Variants in SPATA6L observed in about 807,000 individuals in gnomAD.
The protein encoded by SPATA6L is spermatogenesis associated 6-like protein.
SPATA6L carries 68 observed loss-of-function variants against 49.2 expected under a neutral mutation model. The observed-to-expected ratio is 1.38, with a 90% confidence interval of 1.14 to 1.69. The LOEUF (loss-of-function observed/expected upper bound fraction) is 1.69. SPATA6L is among the 40% of genes most tolerant of loss of function. SPATA6L has a pLI of 0.00. For missense variants in SPATA6L, 668 were observed against 464.3 expected (o/e 1.44, Z -4.03); for synonymous variants, 198 against 165.7 (o/e 1.19, Z -1.50).
chr9:4,599,646 G>A lies in SPATA6L; in HGVS notation c.*1165C>T, dbSNP rs1822754408. ...AGAATCTGGTGAGGGCCCTCTTCCT[G>A]GGTCAGAGATGGCGCCTTCTCGCTG... On this transcript the variant is annotated 3_prime_UTR_variant, in exon 12 of 12. Transcript: ENST00000682582. Among the ~76,000 whole-genome samples, 1 of 152,138 alleles carries A rather than the reference G, an allele frequency of 6.6e-6. No homozygotes were observed. Among genetic ancestry groups the A allele is most frequent in the African/African-American group, 2.4e-5 (1 of 41,440 alleles).
intron 6 of SPATA6L, among the ~76,000 whole-genome samples, 174 bp from the exon 7 acceptor site, chr9:4,622,684 G>C (rs1829602130): frequency 6.6e-6 from 1 of 152,126 alleles, no homozygotes; most frequent in African/African-American, 2.4e-5. Flanking sequence ...CACCTAAAAG[G>C]AGAAACTGTT....
At chr9:4,597,384 G>A (rs918753501), downstream of SPATA6L, among the ~76,000 whole-genome samples, 4 of 150,896 alleles carry the variant, frequency 2.7e-5, no homozygotes, top group Non-Finnish European at 5.9e-5. Flanking sequence ...GGGCGTGGGG[G>A]GTGAGGTGGG....
intron 3 of SPATA6L, among the ~76,000 whole-genome samples, chr9:4,642,470 A>G (rs1013375520): frequency 3.9e-5 from 6 of 152,122 alleles, no homozygotes; most frequent in African/African-American, 1.4e-4. Flanking sequence ...CTATTCTTAA[A>G]TTCACAGAGT....
At chr9:4,637,854 C>T (rs1833115783) in intron 3 of SPATA6L, among the ~76,000 whole-genome samples, 1 of 152,150 alleles carries the variant, frequency 6.6e-6, no homozygotes, top group Admixed American at 6.5e-5. Flanking sequence ...GCATTAGCTA[C>T]CCTCTTGGAG....
chr9:4,656,448 G>GAAA (rs57408829), intron 2 of SPATA6L, among the ~76,000 whole-genome samples: 2 of 104,916 alleles, frequency 1.9e-5, no homozygotes, highest in African/African-American at 4.3e-5. Flanking sequence ...AAGAAAGGAA[G>GAAA]GAAGGAAGGA....
At chr9:4,637,668 T>G (rs1170215183) in intron 3 of SPATA6L, among the ~76,000 whole-genome samples, 1 of 152,174 alleles carries the variant, frequency 6.6e-6, no homozygotes, top group East Asian at 1.9e-4. Context: ...AAAATTGAAC[T>G]TCAATGATGT....
rs537606808 is a variant in SPATA6L at position 4,642,183 on chromosome 9, T to C, written c.227-6784A>G. On this transcript the variant is annotated intron_variant, in intron 3 of 11. Transcript: ENST00000682582. ...ATAGTGAGATTACTTAGGTATTGAG[T>C]AACTTTTTTAAAATCCATGTAAAAT... 3.3e-5 allele frequency among the ~76,000 whole-genome samples: 5 copies of C among 152,324 alleles called. No homozygotes were observed. The South Asian group carries it at 1.0e-3, about 32-fold the overall frequency.
intron 3 of SPATA6L, among the ~76,000 whole-genome samples, chr9:4,654,597 G>T (rs1489254297): frequency 1.3e-5 from 2 of 152,208 alleles, no homozygotes; most frequent in African/African-American, 4.8e-5. Context: ...CATGGGCTTG[G>T]AGAATGAGTG....
intron 9 of SPATA6L, among the ~76,000 whole-genome samples, chr9:4,610,209 T>C (rs1459113455): frequency 6.6e-6 from 1 of 151,082 alleles, no homozygotes; most frequent in Non-Finnish European, 1.5e-5. Context: ...ATCGTGAAAA[T>C]GGCCATACTG....
chr9:4,663,824 T>C (rs1840426878), intron 1 of SPATA6L: 1 of 167,008 alleles, frequency 6.0e-6, no homozygotes, highest in Non-Finnish European at 1.5e-5. Flanking sequence ...CTGATTTTCT[T>C]GGTAAGCTTT....
intron 9 of SPATA6L, among the ~76,000 whole-genome samples, chr9:4,611,405 C>T (rs1418395732): frequency 2.7e-5 from 4 of 148,770 alleles, no homozygotes; most frequent in Non-Finnish European, 5.9e-5. Flanking sequence ...ACCCAAATGT[C>T]CAAGAATGAT....
At chr9:4,606,853 G>A (rs945622587) in intron 9 of SPATA6L, among the ~76,000 whole-genome samples, 18 of 146,646 alleles carry the variant, frequency 1.2e-4, no homozygotes, top group African/African-American at 4.0e-4. Flanking sequence ...TCTGAGCTAC[G>A]GGAGGACATT....
intron 3 of SPATA6L, among the ~76,000 whole-genome samples, chr9:4,654,056 T>C (rs768816248): frequency 8.5e-5 from 13 of 152,192 alleles, no homozygotes; most frequent in Non-Finnish European, 1.9e-4. Flanking sequence ...ATGTGTTCAA[T>C]ATCATTAGCC....
At chr9:4,649,925 T>C (rs958583735) in intron 3 of SPATA6L, among the ~76,000 whole-genome samples, 34 of 152,220 alleles carry the variant, frequency 2.2e-4, no homozygotes, top group African/African-American at 6.8e-4. Flanking sequence ...GAATCAGTGT[T>C]CTTACAGATG....
At chr9:4,666,071 A>G in intron 1 of SPATA6L, 141 bp downstream of exon 1, 2 of 718,768 alleles carry the variant, frequency 2.8e-6, no homozygotes, top group South Asian at 3.2e-5. Flanking sequence ...TATGGAGAAA[A>G]AGACAAAGGT....
chr9:4,599,660 G>A lies in SPATA6L; in HGVS notation c.*1151C>T, dbSNP rs945337170. 6.6e-5 allele frequency among the ~76,000 whole-genome samples: 10 copies of A among 152,176 alleles called. No individual in the cohort carries two copies. The highest frequency in any genetic ancestry group is 1.9e-4 in the African/African-American group (8 of 41,446). On this transcript the variant is annotated 3_prime_UTR_variant, in exon 12 of 12. Transcript: ENST00000682582. ...GCCCTCTTCCTGGGTCAGAGATGGC[G>A]CCTTCTCGCTGTCTCCTCGCCAGTG...
intron 3 of SPATA6L, among the ~76,000 whole-genome samples, chr9:4,650,214 C>T (rs902905559): frequency 1.3e-5 from 2 of 152,192 alleles, no homozygotes; most frequent in African/African-American, 4.8e-5. Context: ...AGCCTGCTCC[C>T]ATTCTGACTT....
chr9:4,664,211 C>G (rs548972670), intron 1 of SPATA6L: 102 of 167,200 alleles, frequency 6.1e-4, no homozygotes, highest in African/African-American at 2.4e-3. Context: ...ACCAGTATGA[C>G]AGGAGATGGG....
intron 6 of SPATA6L, 109 bp from the exon 7 acceptor site, chr9:4,622,619 A>C: frequency 2.7e-6 from 2 of 742,696 alleles, no homozygotes; most frequent in Non-Finnish European, 4.4e-6. Flanking sequence ...CACGGGTTGG[A>C]AAAAGAAGGC....
Sources: allele counts gnomAD v4.1 joint callset (sites outside exome capture counted in the v4.1 genomes callset), GRCh38; gene constraint gnomAD v4.1.1; transcripts MANE v1.5; gene names NCBI Gene and HGNC (gene_info 2026-07-23, HGNC 2026-07-21).